The following LAMA4 variants were observed in gnomAD, a reference collection of about 807,000 sequenced individuals.
LAMA4 encodes the protein laminin subunit alpha 4, also known as laminin subunit alpha-4.
Under a neutral mutation model 207.1 loss-of-function variants are expected in LAMA4, and 127 were observed. That is an observed-to-expected ratio of 0.61 (90% confidence interval 0.53 to 0.71). LAMA4 has a LOEUF of 0.71. Ranked by LOEUF, LAMA4 falls within the 30% of genes least tolerant of loss-of-function variation. LAMA4 has a pLI of 0.00. For missense variants in LAMA4, 2,093 were observed against 2,246.5 expected, an observed-to-expected ratio of 0.93 and a Z score of 1.38; for synonymous variants, 761 against 816.0, an observed-to-expected ratio of 0.93 and a Z score of 1.15.
chr6:112,155,370 G>T, intron 15 of LAMA4, 195 bp downstream of exon 15: 1 of 626,584 alleles, frequency 1.6e-6, no homozygotes, highest in Non-Finnish European at 2.8e-6. Context: ...TTTGCTGACT[G>T]GACTACAGCA....
chr6:112,226,118 C>T (rs1186447816), intron 2 of LAMA4, among the ~76,000 whole-genome samples: 4 of 152,078 alleles, frequency 2.6e-5, no homozygotes, highest in African/African-American at 4.8e-5. Flanking sequence ...GTTTCTCTCT[C>T]GGATAATTAT....
chr6:112,129,931 T>A lies in LAMA4; in HGVS notation c.4078A>T (p.Ile1360Phe). ...GTGAAATTAGCATACTGAGCACTGA[T>A]TGGTGAGCCACCGAAGTAAAACTTC... ...EKKFYFGGSP[I>F]SAQYANFTGC... The change falls in exon 30 of 39, where the codon ATC becomes TTC. Residue 1360 changes from isoleucine (I) to phenylalanine (F), a missense_variant. Transcript: ENST00000230538. 1.2e-6 allele frequency: 2 copies of A among 1,612,990 alleles called. No individual in the cohort carries two copies. Among genetic ancestry groups the A allele is most frequent in the Non-Finnish European group, 8.5e-7 (1 of 1,179,406 alleles).
chr6:112,243,932 C>A (rs971440180), intron 2 of LAMA4, among the ~76,000 whole-genome samples: 1 of 152,112 alleles, frequency 6.6e-6, no homozygotes, highest in Non-Finnish European at 1.5e-5. Context: ...GTGGCGGGTG[C>A]CTGTAATCCC....
chr6:112,223,026 C>G (rs1785010992), intron 2 of LAMA4, among the ~76,000 whole-genome samples: 1 of 152,150 alleles, frequency 6.6e-6, no homozygotes, highest in African/African-American at 2.4e-5. Flanking sequence ...TTCAGTGCTG[C>G]CTTTTTTCCT....
chr6:112,225,965 G>A (rs1381675767), intron 2 of LAMA4, among the ~76,000 whole-genome samples: 1 of 152,094 alleles, frequency 6.6e-6, no homozygotes, highest in East Asian at 1.9e-4. Flanking sequence ...ATGCCCTTGC[G>A]TCCTCCTGGG....
At chr6:112,211,556 A>G (rs1346386102) in intron 3 of LAMA4, among the ~76,000 whole-genome samples, 1 of 152,224 alleles carries the variant, frequency 6.6e-6, no homozygotes, top group Non-Finnish European at 1.5e-5. Flanking sequence ...GAGACAGGTC[A>G]ACAAAGAACA....
intron 2 of LAMA4, among the ~76,000 whole-genome samples, chr6:112,239,321 CA>C (rs1202967086): frequency 0.025 from 1,973 of 78,218 alleles, 49 homozygotes; most frequent in Admixed American, 0.13. Context: ...GACTCCATCT[CA>C]AAAAAAAAAA....
chr6:112,187,295 G>T, intron 8 of LAMA4, 155 bp downstream of exon 8: 1 of 868,608 alleles, frequency 1.2e-6, no homozygotes. Context: ...AATTTCCTAT[G>T]AAATTACTTA....
intron 6 of LAMA4, 78 bp from the exon 7 acceptor site, chr6:112,189,283 A>G (rs1016035888): frequency 4.3e-6 from 4 of 928,768 alleles, no homozygotes; most frequent in Non-Finnish European, 7.1e-6. Flanking sequence ...TGGTTTCTAG[A>G]AACACTAGCT....
chr6:112,139,156 TG>T lies in LAMA4; in HGVS notation c.3245del (p.Pro1082GlnfsTer9). 1 of 1,614,190 alleles carries T rather than the reference TG, an allele frequency of 6.2e-7. No homozygotes were observed. Among genetic ancestry groups the T allele is most frequent in the Non-Finnish European group, 8.5e-7 (1 of 1,180,002 alleles). On this transcript the variant is annotated frameshift_variant, in exon 24 of 39. Transcript: ENST00000230538. LOFTEE classifies it high-confidence loss of function. ...VTRFDIEVRT[P>X]ADNGLILLMV... ...TCAGGAGAATAAGGCCGTTGTCAGC[TG>T]GTGTTCGAACTTCTATGTCAAAGCG...
Position 112,122,083 on chromosome 6 carries a change from G to A in LAMA4, c.4406C>T (p.Ala1469Val). 6.2e-7 allele frequency: 1 copy of A among 1,613,918 alleles called. No homozygotes were observed. The change falls in exon 32 of 39, where the codon GCC (alanine) becomes GTC (valine). Residue 1469 changes from alanine to valine, a missense_variant. Physicochemically the swap from Ala to Val is moderately conservative, Grantham distance 64. Coordinates refer to ENST00000230538, the MANE Select transcript of LAMA4 (RefSeq NM_001105206.3). ...GTTGGCTGTTCCTCCATATTGATAG[G>A]CGTGCTCTATTGCTCTAGGGCTGTT... ...LSNSPRAIEHAYQYGGTANSR... is the reference protein window; with the variant it reads ...LSNSPRAIEHVYQYGGTANSR...
intron 9 of LAMA4, among the ~76,000 whole-genome samples, chr6:112,183,135 A>G (rs1782464890): frequency 6.6e-6 from 1 of 152,244 alleles, no homozygotes; most frequent in South Asian, 2.1e-4. Context: ...TTCAAGGGGC[A>G]ATATTACTGA....
chr6:112,115,804 T>C, intron 36 of LAMA4, 59 bp downstream of exon 36: 2 of 1,521,588 alleles, frequency 1.3e-6, no homozygotes. Flanking sequence ...ATAAATCTGC[T>C]TCAGATCTAG....
At position 112,165,300 on chromosome 6, in the gene LAMA4, G is replaced by T. The variant is rs782554912; in HGVS notation, c.1552-24C>A. On this transcript the variant is annotated intron_variant, in intron 12 of 38. Transcript: ENST00000230538. ...TTCTGCGGGAAGGAAGAGTAAGGGA[G>T]AGTGAAGTGAATATGTCTTTAGGGA... 2.8e-6 allele frequency: 4 copies of T among 1,439,980 alleles called. No homozygotes were observed. In the African/African-American group the frequency reaches 5.6e-5, roughly 20 times the overall value. 89.2% of individuals were successfully genotyped at this position (1,439,980 alleles called of 1,614,324 possible). A position where few individuals can be genotyped will look rare whatever the true frequency, so the allele number is the denominator to read the frequency against.
intron 3 of LAMA4, chr6:112,213,512 G>A (rs1270113521): frequency 6.6e-6 from 1 of 152,292 alleles, no homozygotes; most frequent in African/African-American, 2.4e-5. Context: ...AAGATGCAAA[G>A]TGGCCCATTG....
chr6:112,190,893 T>A (rs1161337627), intron 6 of LAMA4, among the ~76,000 whole-genome samples: 2 of 72,910 alleles, frequency 2.7e-5, no homozygotes, highest in African/African-American at 1.1e-4. Flanking sequence ...CTTTCTTTCT[T>A]TCTTTCTTTC....
intron 28 of LAMA4, among the ~76,000 whole-genome samples, chr6:112,131,585 A>G (rs1225156792): frequency 1.3e-5 from 2 of 152,104 alleles, no homozygotes; most frequent in East Asian, 1.9e-4. Context: ...TGCTTGTCTT[A>G]AAATATTTGG....
chr6:112,212,142 G>A (rs1172870358), intron 3 of LAMA4, among the ~76,000 whole-genome samples: 1 of 152,100 alleles, frequency 6.6e-6, no homozygotes, highest in Admixed American at 6.5e-5. Flanking sequence ...CAGGTGAGGA[G>A]TATATGGGGA....
At chr6:112,231,498 T>G (rs1462631058) in intron 2 of LAMA4, among the ~76,000 whole-genome samples, 1 of 152,210 alleles carries the variant, frequency 6.6e-6, no homozygotes, top group African/African-American at 2.4e-5. Context: ...TTATATAGTG[T>G]AGATAGAAAT....
Sources: gnomAD v4.1 joint callset for allele counts (sites outside exome capture counted in the v4.1 genomes callset) on GRCh38, gnomAD v4.1.1 for gene constraint, MANE v1.5 for transcripts, NCBI Gene and HGNC (gene_info 2026-07-23, HGNC 2026-07-21) for gene names.